Variants in MACROD2 observed in about 807,000 individuals in gnomAD.
MACROD2 encodes mono-ADP ribosylhydrolase 2, also known as ADP-ribose glycohydrolase MACROD2.
In MACROD2, 36 loss-of-function variants were observed where a neutral mutation model predicts 70.4. That is an observed-to-expected ratio of 0.51 (90% CI 0.39 to 0.68). The LOEUF (loss-of-function observed/expected upper bound fraction) is 0.68, where lower values mean the gene tolerates loss of function less well. MACROD2 is among the 30% of genes least tolerant of loss of function. The probability of loss-of-function intolerance (pLI) is 0.00; values close to 1 mark genes in which losing one functional copy is unlikely to be tolerated. For missense variants in MACROD2, 496 were observed against 538.4 expected (o/e 0.92, Z 0.78); for synonymous variants, 172 against 178.8 (o/e 0.96, Z 0.30).
At chr20:14,207,290 CG>C (rs1302016883) in intron 3 of MACROD2, among the ~76,000 whole-genome samples, 2 of 151,928 alleles carry the variant, frequency 1.3e-5, no homozygotes, top group Non-Finnish European at 2.9e-5. Flanking sequence ...TTAGTAGAGA[CG>C]GGGTTTCACC....
chr20:15,360,899 T>G (rs906164225), intron 6 of MACROD2, among the ~76,000 whole-genome samples: 2 of 151,996 alleles, frequency 1.3e-5, no homozygotes, highest in African/African-American at 4.8e-5. Flanking sequence ...CATTTTCTAG[T>G]TGGACCATTT....
chr20:15,158,259 T>C (rs562918619), intron 5 of MACROD2, among the ~76,000 whole-genome samples: 1 of 152,326 alleles, frequency 6.6e-6, no homozygotes, highest in South Asian at 2.1e-4. Flanking sequence ...TCTTCCTCTT[T>C]GTTAAAAGTA....
At chr20:14,835,898 A>G (rs538506729) in intron 5 of MACROD2, among the ~76,000 whole-genome samples, 7 of 152,202 alleles carry the variant, frequency 4.6e-5, no homozygotes, top group Middle Eastern at 3.4e-3. Flanking sequence ...CATGTAGCTT[A>G]TTTAGGAAAA....
intron 5 of MACROD2, among the ~76,000 whole-genome samples, chr20:15,041,226 G>A (rs978201973): frequency 2.6e-5 from 4 of 152,124 alleles, no homozygotes; most frequent in East Asian, 3.9e-4. Context: ...TAGAAAGGGC[G>A]TGACAAATTT....
At chr20:15,179,131 G>A (rs2076482725) in intron 5 of MACROD2, among the ~76,000 whole-genome samples, 1 of 152,178 alleles carries the variant, frequency 6.6e-6, no homozygotes, top group African/African-American at 2.4e-5. Context: ...TACCTTTCGT[G>A]AGAGTATTGA....
At chr20:15,638,566 T>A (rs2049405658) in intron 8 of MACROD2, among the ~76,000 whole-genome samples, 1 of 152,198 alleles carries the variant, frequency 6.6e-6, no homozygotes, top group Admixed American at 6.5e-5. Flanking sequence ...CTGTGGGCAC[T>A]GGCCTGCCTT....
chr20:14,571,479 A>G (rs1399465322), intron 4 of MACROD2, among the ~76,000 whole-genome samples: 1 of 152,048 alleles, frequency 6.6e-6, no homozygotes, highest in Non-Finnish European at 1.5e-5. Flanking sequence ...ATCACTTGTA[A>G]TTAAAAAGTA....
At chr20:14,468,348 C>A in intron 3 of MACROD2, among the ~76,000 whole-genome samples, 1 of 151,364 alleles carries the variant, frequency 6.6e-6, no homozygotes, top group Admixed American at 6.6e-5. Flanking sequence ...TGCATTGATT[C>A]CTTTACCATT....
intron 3 of MACROD2, among the ~76,000 whole-genome samples, chr20:14,219,196 T>C (rs1006838471): frequency 1.3e-5 from 2 of 152,310 alleles, no homozygotes; most frequent in African/African-American, 4.8e-5. Flanking sequence ...TTGTTTAACA[T>C]AATCCCAGAC....
Position 14,071,252 on chromosome 20 carries a change from G to GTTTTTTTTTTT in MACROD2, c.164-14353_164-14343dup, listed in dbSNP as rs59052053. Among the ~76,000 whole-genome samples the GTTTTTTTTTTT allele has an allele frequency of 1.5e-3, 96 of 63,948 alleles. 30 individuals carry two copies. Among genetic ancestry groups the GTTTTTTTTTTT allele is most frequent in the Non-Finnish European group, 1.8e-3 (63 of 35,044 alleles). 42.0% of individuals were successfully genotyped at this position (63,948 alleles called of 152,430 possible). A position where few individuals can be genotyped will look rare whatever the true frequency, so the allele number is the denominator to read the frequency against. On this transcript the variant is annotated intron_variant, in intron 2 of 17. Coordinates refer to ENST00000684519, the MANE Select transcript of MACROD2 (RefSeq NM_001351661.2). ...GACAGTATTGGCCATTTCATCTTGTGTTTTTTTTTTTTTTTTTTTTTTTTT... is the reference window on the plus strand; with the variant it reads ...GACAGTATTGGCCATTTCATCTTGTGTTTTTTTTTTTTTTTTTTTTTTTTTTTTTTTTTTTT...
intron 3 of MACROD2, among the ~76,000 whole-genome samples, chr20:14,461,168 C>T (rs2084366140): frequency 6.6e-6 from 1 of 151,958 alleles, no homozygotes; most frequent in Non-Finnish European, 1.5e-5. Context: ...GTGTATGTGT[C>T]CAGGAGTTTA....
chr20:14,170,187 C>T (rs992689752), intron 3 of MACROD2, among the ~76,000 whole-genome samples: 2 of 152,132 alleles, frequency 1.3e-5, no homozygotes, highest in Admixed American at 6.6e-5. Context: ...CCACCACACC[C>T]GGCCAACACT....
intron 3 of MACROD2, among the ~76,000 whole-genome samples, chr20:14,346,949 T>G (rs1002484754): frequency 6.6e-6 from 1 of 152,220 alleles, no homozygotes; most frequent in Non-Finnish European, 1.5e-5. Flanking sequence ...ATACATAGAT[T>G]ATAGGTTGGA....
intron 3 of MACROD2, among the ~76,000 whole-genome samples, chr20:14,472,915 C>T (rs1241466927): frequency 6.6e-6 from 1 of 151,740 alleles, no homozygotes; most frequent in Non-Finnish European, 1.5e-5. Context: ...TGGTCTGGGC[C>T]TGGAAGATGT....
At chr20:14,372,095 A>AT (rs1229656549) in intron 3 of MACROD2, among the ~76,000 whole-genome samples, 3 of 152,142 alleles carry the variant, frequency 2.0e-5, no homozygotes, top group African/African-American at 7.2e-5. Context: ...GCTTATCATC[A>AT]TAATTCTTGA....
At chr20:14,667,348 A>G (rs2070746727) in intron 4 of MACROD2, among the ~76,000 whole-genome samples, 1 of 152,166 alleles carries the variant, frequency 6.6e-6, no homozygotes, top group Non-Finnish European at 1.5e-5. Flanking sequence ...AAGCTCAGAC[A>G]TGTCTTGAAA....
rs1303376503 is a variant in MACROD2, at chr20:14,447,720, G to A, written c.272-45759G>A. On this transcript the variant is annotated intron_variant, in intron 3 of 17. Transcript: ENST00000684519. ...CTGTAACTGAACTCTACTCCAGATG[G>A]GCCAAAGGTCTGTGACTCCTGGGGA... 5.3e-5 allele frequency among the ~76,000 whole-genome samples: 8 copies of A among 151,838 alleles called. 1 individual carries two copies. The highest frequency in any genetic ancestry group is 1.9e-4 in the African/African-American group (8 of 41,260).
intron 15 of MACROD2, among the ~76,000 whole-genome samples, chr20:15,998,425 C>A (rs543914730): frequency 6.6e-6 from 1 of 152,210 alleles, no homozygotes; most frequent in African/African-American, 2.4e-5. Flanking sequence ...ATGCTTCTAG[C>A]AATTTATTCA....
intron 3 of MACROD2, among the ~76,000 whole-genome samples, chr20:14,255,298 T>C (rs776988424): frequency 6.6e-6 from 1 of 152,100 alleles, no homozygotes; most frequent in Non-Finnish European, 1.5e-5. Context: ...TGTCCAACAA[T>C]GATAGGCTGG....
Sources: allele counts gnomAD v4.1 joint callset (sites outside exome capture counted in the v4.1 genomes callset), GRCh38; gene constraint gnomAD v4.1.1; transcripts MANE v1.5; gene names NCBI Gene and HGNC (gene_info 2026-07-23, HGNC 2026-07-21).